ZNF14: variants seen among roughly 807,000 people sequenced by gnomAD.
The protein encoded by ZNF14 is gonadotropin inducible transcription repressor-4.
In ZNF14, 9 loss-of-function variants were observed where a neutral mutation model predicts 11.3. The ratio of observed to expected loss-of-function variants is 0.80; its 90% CI spans 0.48 to 1.39. The LOEUF (loss-of-function observed/expected upper bound fraction) is 1.39, where lower values mean the gene tolerates loss of function less well. Among genes scored for constraint, ZNF14 ranks in the 40% most tolerant of loss-of-function variants. The pLI is 0.00. For missense variants in ZNF14, 711 were observed against 763.9 expected, an observed-to-expected ratio of 0.93 and a Z score of 0.82; for synonymous variants, 239 against 245.7, an observed-to-expected ratio of 0.97 and a Z score of 0.25.
At chr19:19,729,853 T>C (rs2062418134) in intron 1 of ZNF14, among the ~76,000 whole-genome samples, 3 of 152,160 alleles carry the variant, frequency 2.0e-5, no homozygotes, top group Admixed American at 2.0e-4. Context: ...TGAAAAACCT[T>C]ACCCTCACCC....
chr19:19,711,533 C>T lies in ZNF14; in HGVS notation c.1748G>A (p.Gly583Glu), dbSNP rs1351715414. 6.2e-7 allele frequency: 1 copy of T among 1,613,230 alleles called. No homozygotes were observed. ...TTGTTTACATCGATAGGGTTTCTCTCCCGTGTGAGTTCTCTCATGCATTCG... is the reference window on the plus strand; with the variant it reads ...TTGTTTACATCGATAGGGTTTCTCTTCCGTGTGAGTTCTCTCATGCATTCG... ...KFRMHERTHT[G>E]EKPYRCKQCG... The change falls in exon 4 of 4, where the codon GGA (glycine) becomes GAA (glutamate). Residue 583 changes from glycine (G) to glutamate (E), a missense_variant. Coordinates refer to ENST00000344099, the MANE Select transcript of ZNF14 (RefSeq NM_021030.3).
rs1289663173 is a variant in ZNF14 at position 19,711,521 on chromosome 19, T to C, written c.1760A>G (p.Tyr587Cys). 7.4e-6 allele frequency: 12 copies of C among 1,613,648 alleles called. No homozygotes were observed. Among genetic ancestry groups the C allele is most frequent in the Admixed American group, 1.7e-5 (1 of 59,904 alleles). Reference protein sequence around the residue: ...HERTHTGEKPYRCKQCGKAFR... With the variant: ...HERTHTGEKPCRCKQCGKAFR... ...GGCTTTCCCACATTGTTTACATCGATAGGGTTTCTCTCCCGTGTGAGTTCT... is the reference window on the plus strand; with the variant it reads ...GGCTTTCCCACATTGTTTACATCGACAGGGTTTCTCTCCCGTGTGAGTTCT... Residue 587 changes from tyrosine (Y) to cysteine (C), a missense_variant, in exon 4 of 4, where the codon TAT becomes TGT. Physicochemically the swap from Tyr to Cys is radical, Grantham distance 194 (BLOSUM62 -2). Transcript: ENST00000344099.
At chr19:19,722,047 C>T (rs2062394680) in intron 1 of ZNF14, among the ~76,000 whole-genome samples, 1 of 151,842 alleles carries the variant, frequency 6.6e-6, no homozygotes, top group Non-Finnish European at 1.5e-5. Context: ...TTCACCTCTG[C>T]TAGTCATCAG....
At chr19:19,722,146 A>G (rs2062394899) in intron 1 of ZNF14, among the ~76,000 whole-genome samples, 1 of 152,140 alleles carries the variant, frequency 6.6e-6, no homozygotes, top group African/African-American at 2.4e-5. Flanking sequence ...CAAATGACAA[A>G]TTACACCATC....
Position 19,732,963 on chromosome 19 carries a change from C to T in ZNF14, c.-5G>A. On this transcript the variant is annotated 5_prime_UTR_variant, in exon 1 of 4. Transcript: ENST00000344099. ...CTGGCCCCGCACACTCACCATTTCC[C>T]AGCGTCCGGGAAGTCACGGTGTCCT... The T allele has an allele frequency of 6.2e-7, 1 of 1,613,696 alleles. No individual in the cohort carries two copies. The highest frequency in any genetic ancestry group is 8.5e-7 in the Non-Finnish European group (1 of 1,179,756).
chr19:19,725,015 T>C (rs1421000325), intron 1 of ZNF14, among the ~76,000 whole-genome samples: 1 of 133,866 alleles, frequency 7.5e-6, no homozygotes, highest in Non-Finnish European at 1.7e-5. Flanking sequence ...AGCACACTGA[T>C]GGGTGTTGAC....
chr19:19,711,306 A>G lies in ZNF14; in HGVS notation c.*46T>C. On this transcript the variant is annotated 3_prime_UTR_variant, in exon 4 of 4. Coordinates refer to ENST00000344099, the MANE Select transcript of ZNF14 (RefSeq NM_021030.3). ...CCAGTATGAACTCTTTTGTGTATTC[A>G]GAAGGAGCTGGAACAACCGAAGGCT... 2.0e-6 allele frequency: 3 copies of G among 1,516,412 alleles called. No individual in the cohort carries two copies. Among genetic ancestry groups the G allele is most frequent in the Non-Finnish European group, 2.6e-6 (3 of 1,135,076 alleles). The allele number at this position is 1,516,412 out of a possible 1,614,324, so 93.9% of individuals were successfully genotyped here.
Position 19,723,900 on chromosome 19 carries a change from T to A in ZNF14, c.3+9056A>T. On this transcript the variant is annotated intron_variant, in intron 1 of 3. Transcript: ENST00000344099. ...GTTTATACTATTCTCTGATGGTAGT[T>A]TGTATTTCTGTGGGATCAGTGGTGA... Among the ~76,000 whole-genome samples the A allele has an allele frequency of 1.5e-5, 2 of 134,212 alleles. 1 individual carries two copies. Among genetic ancestry groups the A allele is most frequent in the Non-Finnish European group, 3.3e-5 (2 of 60,298 alleles). The allele number at this position is 134,212 out of a possible 152,430, so 88.0% of individuals were successfully genotyped here. A position where few individuals can be genotyped will look rare whatever the true frequency, so the allele number is the denominator to read the frequency against.
At position 19,711,854 on chromosome 19, in the gene ZNF14, T is replaced by TC; in HGVS notation, c.1426dup (p.Glu476GlyfsTer3). 1.2e-6 allele frequency: 2 copies of TC among 1,614,026 alleles called. No individual in the cohort carries two copies. The highest frequency in any genetic ancestry group is 1.7e-6 in the Non-Finnish European group (2 of 1,179,968). Reference sequence around the variant, plus strand: ...GAAAACTTTTCCACACTGTTTACATTCATAGGGTTTCTCTCCAGTGTGTGA... The same window carrying TC: ...GAAAACTTTTCCACACTGTTTACATTCCATAGGGTTTCTCTCCAGTGTGTGA... On this transcript the variant is annotated frameshift_variant, in exon 4 of 4. Transcript: ENST00000344099. LOFTEE classifies it low-confidence loss of function (END_TRUNC).
chr19:19,719,463 A>G (rs575746299), intron 1 of ZNF14, among the ~76,000 whole-genome samples: 1 of 152,324 alleles, frequency 6.6e-6, no homozygotes, highest in South Asian at 2.1e-4. Flanking sequence ...AGGAATTGGG[A>G]ATACTTTTTC....
At chr19:19,729,357 C>T (rs1307325537) in intron 1 of ZNF14, among the ~76,000 whole-genome samples, 1 of 151,338 alleles carries the variant, frequency 6.6e-6, no homozygotes, top group East Asian at 1.9e-4. Flanking sequence ...CCTCTGTCAT[C>T]CAGGCTGGAG....
intron 3 of ZNF14, 22 bp from the exon 4 acceptor site, chr19:19,713,111 T>A: frequency 6.5e-7 from 1 of 1,534,026 alleles, no homozygotes. Context: ...GAATAGCACA[T>A]TATTAGTGGC....
chr19:19,727,809 G>A (rs2062410500), intron 1 of ZNF14, among the ~76,000 whole-genome samples: 1 of 133,574 alleles, frequency 7.5e-6, no homozygotes, highest in Admixed American at 7.4e-5. Context: ...CTCAACCAAT[G>A]TATGTAGCTA....
At chr19:19,723,840 T>G (rs2062399856) in intron 1 of ZNF14, among the ~76,000 whole-genome samples, 1 of 134,106 alleles carries the variant, frequency 7.5e-6, no homozygotes, top group African/African-American at 2.8e-5. Context: ...ATTTATCCAT[T>G]TCTTCTAGAT....
chr19:19,728,603 T>C lies in ZNF14; in HGVS notation c.3+4353A>G, dbSNP rs149687579. 5.8e-3 allele frequency among the ~76,000 whole-genome samples: 750 copies of C among 130,194 alleles called. 156 individuals carry two copies. Among genetic ancestry groups the C allele is most frequent in the African/African-American group, 0.02 (699 of 34,876 alleles). The allele number at this position is 130,194 out of a possible 152,430, so 85.4% of individuals were successfully genotyped here. On this transcript the variant is annotated intron_variant, in intron 1 of 3. Transcript: ENST00000344099. ...TATACTCCTATGAGTCATTTGTTGA[T>C]ACTTGATGTGAATTCTGGTACCAAT...
rs758649458 is a variant in ZNF14, at chr19:19,712,099, T to A, written c.1182A>T (p.Lys394Asn). The A allele has an allele frequency of 6.2e-7, 1 of 1,613,878 alleles. No individual in the cohort carries two copies. Among genetic ancestry groups the A allele is most frequent in the Admixed American group, 1.7e-5 (1 of 60,016 alleles). The change falls in exon 4 of 4, where the codon AAA becomes AAT. Residue 394 changes from lysine (K) to asparagine (N), a missense_variant. By Grantham distance (94) the Lys-to-Asn change is moderately conservative (BLOSUM62 0). Transcript: ENST00000344099. The stretch of plus-strand genomic sequence containing the variant: ...AAAAACTGAAGGTTTTATGACACTG[T>A]TTACACTCATAAGGTTTCTCTCCAG... ...THTGEKPYEC[K>N]QCHKTFSFSS...
chr19:19,717,296 C>G (rs909125216), intron 1 of ZNF14, among the ~76,000 whole-genome samples: 2 of 152,136 alleles, frequency 1.3e-5, no homozygotes, highest in African/African-American at 4.8e-5. Flanking sequence ...ACATACAACT[C>G]AGGAACAGCC....
intron 1 of ZNF14, among the ~76,000 whole-genome samples, chr19:19,728,147 C>T (rs2062411488): frequency 7.6e-6 from 1 of 131,968 alleles, no homozygotes; most frequent in South Asian, 2.5e-4. Flanking sequence ...AACAAAAAAA[C>T]ACAACAACAA....
intron 1 of ZNF14, among the ~76,000 whole-genome samples, chr19:19,719,018 G>A (rs550632703): frequency 3.3e-5 from 5 of 152,174 alleles, no homozygotes; most frequent in African/African-American, 9.6e-5. Context: ...TGCCCACCTC[G>A]ACCTCCCAAA....
Sources: gnomAD v4.1 joint callset for allele counts (sites outside exome capture counted in the v4.1 genomes callset) on GRCh38, gnomAD v4.1.1 for gene constraint, MANE v1.5 for transcripts, NCBI Gene and HGNC (gene_info 2026-07-23, HGNC 2026-07-21) for gene names.